Variants in TRPC5 observed in about 807,000 individuals in gnomAD.
TRPC5 encodes transient receptor potential cation channel subfamily C member 5.
In TRPC5, 9 loss-of-function variants were observed where a neutral mutation model predicts 56.5. That is an observed-to-expected ratio of 0.16 (90% CI 0.10 to 0.28). The LOEUF (loss-of-function observed/expected upper bound fraction) is 0.28, where lower values mean the gene tolerates loss of function less well. Among genes scored for constraint, TRPC5 ranks in the 10% least tolerant of loss-of-function variants. The pLI, the probability that TRPC5 is intolerant of heterozygous loss-of-function variation, is 1.00. For missense variants in TRPC5, 469 were observed against 748.9 expected (o/e 0.63, Z 4.36); for synonymous variants, 282 against 278.5 (o/e 1.01, Z -0.13).
At chrX:111,884,659 A>G (rs1924387092) in intron 3 of TRPC5, among the ~76,000 whole-genome samples, 1 of 113,009 alleles carries the variant, frequency 8.8e-6, no homozygotes, top group Non-Finnish European at 1.9e-5. Context: ...CAAAGACCTG[A>G]GACTAGTTAA....
At chrX:111,880,582 A>G (rs1019050791) in intron 3 of TRPC5, among the ~76,000 whole-genome samples, 1 of 112,317 alleles carries the variant, frequency 8.9e-6, no homozygotes, top group African/African-American at 3.2e-5. Context: ...TGAAAAGGTT[A>G]ATAGGACTGT....
At chrX:112,051,021 T>A (rs1602413021) in intron 1 of TRPC5, among the ~76,000 whole-genome samples, 1 of 112,798 alleles carries the variant, frequency 8.9e-6, no homozygotes, top group Admixed American at 9.3e-5. Context: ...TTTGTCCTTC[T>A]CTGCCCTGCT....
intron 7 of TRPC5, among the ~76,000 whole-genome samples, chrX:111,798,977 C>T (rs1450747701): frequency 2.7e-5 from 3 of 111,523 alleles, no homozygotes; most frequent in Admixed American, 1.9e-4. Context: ...CAGCTTCTGC[C>T]GATGAAGTGG....
At chrX:112,043,004 G>A (rs1337847670) in intron 1 of TRPC5, among the ~76,000 whole-genome samples, 4 of 111,226 alleles carry the variant, frequency 3.6e-5, no homozygotes, top group Non-Finnish European at 5.7e-5. Context: ...TTTCTACCAT[G>A]ATCCACTGTA....
At chrX:111,940,712 AT>A (rs1926754385) in intron 2 of TRPC5, among the ~76,000 whole-genome samples, 1 of 109,786 alleles carries the variant, frequency 9.1e-6, no homozygotes, top group African/African-American at 3.3e-5. Context: ...AAAAAAAAGA[AT>A]AAACTACGTT....
intron 1 of TRPC5, among the ~76,000 whole-genome samples, chrX:112,067,277 T>C (rs189239414): frequency 7.1e-4 from 80 of 112,625 alleles, no homozygotes; most frequent in Non-Finnish European, 1.3e-4. Context: ...GCCCCAGCCA[T>C]TCCTTCCCTT....
Position 111,782,079 on chromosome X carries a change from A to G in TRPC5, c.1956T>C (p.Asp652=). ...AAGGAGGTGGCAAGGTGCCACCTTC[A>G]TCAAAGTAACTCATCCAGAGCTTCG... ...ARTKLWMSYF[D]EGGTLPPPFN... Residue 652 remains aspartate (D), a synonymous_variant, in exon 8 of 11, where the codon GAT becomes GAC. Transcript: ENST00000262839. 1.7e-6 allele frequency: 2 copies of G among 1,211,536 alleles called. No homozygotes were observed. The highest frequency in any genetic ancestry group is 2.2e-6 in the Non-Finnish European group (2 of 895,355).
chrX:111,981,413 C>T (rs772512518), intron 1 of TRPC5, among the ~76,000 whole-genome samples: 3 of 111,537 alleles, frequency 2.7e-5, no homozygotes, highest in East Asian at 5.7e-4. Context: ...ATCTGCTTTA[C>T]TCAGTTTACC....
chrX:111,997,896 C>A (rs1569529284), intron 1 of TRPC5, among the ~76,000 whole-genome samples: 2 of 110,898 alleles, frequency 1.8e-5, no homozygotes, highest in African/African-American at 3.3e-5. Context: ...TTTGTCTAAT[C>A]TTTTTTCAAA....
rs1338109300 is a variant in TRPC5, at chrX:111,776,897, T to C, written c.2338A>G (p.Arg780Gly). The C allele has an allele frequency of 8.3e-7, 1 of 1,209,758 alleles. No individual in the cohort carries two copies. The highest frequency in any genetic ancestry group is 2.2e-5 in the Admixed American group (1 of 45,749). ...FSTSSTELSQ[R>G]DDNNDGSGGA... ...CCACTGCCATCATTATTATCGTCTC[T>C]CTGAGACAGTTCAGTGCTGCTAGTG... Residue 780 changes from arginine to glycine, a missense_variant, in exon 11 of 11, where the codon AGA becomes GGA. Around this residue, in one of 3 missense-constraint regions of TRPC5, gnomAD observed 194 missense variants for 221.8 expected, o/e 0.87. Coordinates refer to ENST00000262839, the MANE Select transcript of TRPC5 (RefSeq NM_012471.3).
chrX:111,961,166 A>G (rs1009353305), intron 1 of TRPC5, among the ~76,000 whole-genome samples: 1 of 112,217 alleles, frequency 8.9e-6, no homozygotes, highest in African/African-American at 3.2e-5. Context: ...GGTACATGGG[A>G]GTTCTTTTTA....
At chrX:111,817,860 G>A (rs1447319547) in intron 7 of TRPC5, among the ~76,000 whole-genome samples, 1 of 111,655 alleles carries the variant, frequency 9.0e-6, no homozygotes, top group Non-Finnish European at 1.9e-5. Context: ...CTGGACAGGA[G>A]TATCCTCATA....
intron 3 of TRPC5, among the ~76,000 whole-genome samples, chrX:111,893,952 C>G (rs1199099114): frequency 8.9e-6 from 1 of 111,874 alleles, no homozygotes; most frequent in Non-Finnish European, 1.9e-5. Context: ...GGATAAAGTT[C>G]TCTTGATGTT....
rs1945845552 is a variant in TRPC5 at position 111,771,891 on chromosome X, T to C, written c.*4422A>G. Among the ~76,000 whole-genome samples the C allele has an allele frequency of 9.1e-6, 1 of 110,393 alleles. No individual in the cohort carries two copies. The highest frequency in any genetic ancestry group is 9.7e-5 in the Admixed American group (1 of 10,259). ...TGGCAATTCCTCACAGCTCAGGAAA[T>C]GTCTCATTGAAAAGTTATTCTTGCT... On this transcript the variant is annotated 3_prime_UTR_variant, in exon 11 of 11. Transcript: ENST00000262839.
intron 7 of TRPC5, among the ~76,000 whole-genome samples, chrX:111,813,286 T>C (rs1921766027): frequency 8.9e-6 from 1 of 112,472 alleles, no homozygotes; most frequent in Non-Finnish European, 1.9e-5. Flanking sequence ...TTCTAATTCA[T>C]GTGTGTGCCC....
chrX:112,001,749 A>C (rs925430506), intron 1 of TRPC5, among the ~76,000 whole-genome samples: 1 of 112,053 alleles, frequency 8.9e-6, no homozygotes, highest in African/African-American at 3.3e-5. Flanking sequence ...CAACAGACCA[A>C]GACTCTGACT....
chrX:111,880,637 A>G (rs1924165227), intron 3 of TRPC5, among the ~76,000 whole-genome samples: 1 of 112,449 alleles, frequency 8.9e-6, no homozygotes, highest in Admixed American at 9.4e-5. Context: ...CAGATGACAA[A>G]AATGATTAGT....
At chrX:111,881,471 T>C (rs1215002263) in intron 3 of TRPC5, among the ~76,000 whole-genome samples, 1 of 111,691 alleles carries the variant, frequency 9.0e-6, no homozygotes, top group Non-Finnish European at 1.9e-5. Flanking sequence ...CCACTGGGCC[T>C]GGCCCGCTAT....
At position 111,771,295 on chromosome X, in the gene TRPC5, G is replaced by T. The variant is rs1320380837; in HGVS notation, c.*5018C>A. On this transcript the variant is annotated 3_prime_UTR_variant, in exon 11 of 11. Transcript: ENST00000262839. Reference sequence around the variant, plus strand: ...ATCATATAAGAAAACTAGCTTTTTGGCATAAGGGCATTCCACTTAGTTTTA... The same window carrying T: ...ATCATATAAGAAAACTAGCTTTTTGTCATAAGGGCATTCCACTTAGTTTTA... Among the ~76,000 whole-genome samples the T allele has an allele frequency of 9.0e-6, 1 of 111,497 alleles. No homozygotes were observed. The highest frequency in any genetic ancestry group is 2.8e-4 in the East Asian group (1 of 3,552).
Sources: allele counts gnomAD v4.1 joint callset (sites outside exome capture counted in the v4.1 genomes callset), GRCh38; gene constraint gnomAD v4.1.1; regional missense constraint gnomAD v4.1.1; transcripts MANE v1.5; gene names NCBI Gene and HGNC (gene_info 2026-07-23, HGNC 2026-07-21).